The following KCNG3 variants were observed in gnomAD, a reference collection of about 807,000 sequenced individuals.
KCNG3 encodes the protein voltage-gated potassium channel regulatory subunit KCNG3.
KCNG3 carries 15 observed loss-of-function variants against 29.0 expected under a neutral mutation model. The ratio of observed to expected loss-of-function variants is 0.52; its 90% CI spans 0.35 to 0.80. The LOEUF (loss-of-function observed/expected upper bound fraction) is 0.80, where lower values mean the gene tolerates loss of function less well. KCNG3 is among the 30% of genes least tolerant of loss of function. The probability of loss-of-function intolerance (pLI) is 0.01; values close to 1 mark genes in which losing one functional copy is unlikely to be tolerated. For missense variants in KCNG3, 512 were observed against 605.7 expected (o/e 0.85, Z 1.62); for synonymous variants, 322 against 248.9 (o/e 1.29, Z -2.76).
At chr2:42,418,873 C>G in the KCNG3 span, among the ~76,000 whole-genome samples, 1 of 152,166 alleles carries the variant, frequency 6.6e-6, no homozygotes, top group African/African-American at 2.4e-5. Context: ...GAGAATCTTG[C>G]ACATAATATT....
intron 1 of KCNG3, among the ~76,000 whole-genome samples, chr2:42,450,873 T>C (rs1672731266): frequency 6.6e-6 from 1 of 152,196 alleles, no homozygotes; most frequent in Non-Finnish European, 1.5e-5. Flanking sequence ...AAAGGAGCAT[T>C]TGGAAATGCA....
intron 1 of KCNG3, among the ~76,000 whole-genome samples, chr2:42,478,191 T>C (rs918031937): frequency 6.6e-6 from 1 of 152,318 alleles, no homozygotes; most frequent in East Asian, 1.9e-4. Flanking sequence ...AAGGAGCTTT[T>C]GTTTTATGTA....
the KCNG3 span, among the ~76,000 whole-genome samples, chr2:42,395,248 G>A: frequency 1.3e-5 from 2 of 152,184 alleles, no homozygotes; most frequent in East Asian, 3.8e-4. Context: ...TGGAGAAGTG[G>A]TCCATGATTT....
chr2:42,438,834 T>C (rs1013294099), downstream of KCNG3, among the ~76,000 whole-genome samples: 14 of 149,958 alleles, frequency 9.3e-5, no homozygotes, highest in African/African-American at 2.5e-4. Context: ...AAATCATTAG[T>C]CTACTTTCAG....
chr2:42,470,261 G>C (rs556325566), intron 1 of KCNG3: 7 of 389,042 alleles, frequency 1.8e-5, no homozygotes, highest in Non-Finnish European at 3.0e-5. Flanking sequence ...TGTCCTGGTC[G>C]CATAAATTTG....
chr2:42,470,429 C>T (rs1673258562), intron 1 of KCNG3, among the ~76,000 whole-genome samples: 1 of 152,148 alleles, frequency 6.6e-6, no homozygotes, highest in South Asian at 2.1e-4. Context: ...CCAGACACTT[C>T]GAGGTCCGTA....
chr2:42,459,793 G>A (rs1409159973), intron 1 of KCNG3, among the ~76,000 whole-genome samples: 1 of 152,120 alleles, frequency 6.6e-6, no homozygotes, highest in African/African-American at 2.4e-5. Flanking sequence ...TGGCTAACAT[G>A]GTGAAACGCT....
At chr2:42,421,996 TA>T in the KCNG3 span, among the ~76,000 whole-genome samples, 77 of 152,360 alleles carry the variant, frequency 5.1e-4, no homozygotes, top group East Asian at 0.01. Flanking sequence ...AAGCCATTGT[TA>T]ATCTGTTGCA....
At chr2:42,397,580 G>T in the KCNG3 span, among the ~76,000 whole-genome samples, 3 of 152,310 alleles carry the variant, frequency 2.0e-5, no homozygotes, top group South Asian at 2.1e-4. Flanking sequence ...CTGAAATCAT[G>T]TAAGAAAGTA....
chr2:42,468,241 G>T (rs1673193032), intron 1 of KCNG3, among the ~76,000 whole-genome samples: 1 of 152,134 alleles, frequency 6.6e-6, no homozygotes, highest in Non-Finnish European at 1.5e-5. Flanking sequence ...TTTATTTCCA[G>T]ACAGTATCAC....
chr2:42,399,957 A>G, the KCNG3 span, among the ~76,000 whole-genome samples: 1 of 152,290 alleles, frequency 6.6e-6, no homozygotes, highest in Non-Finnish European at 1.5e-5. Context: ...TTCTATGGAC[A>G]ACATGTGAGC....
chr2:42,397,500 A>G, the KCNG3 span, among the ~76,000 whole-genome samples: 21,828 of 152,204 alleles, frequency 0.14, 1,780 homozygotes, highest in South Asian at 0.26. Context: ...TATATATTAT[A>G]GTTTCAACTT....
intron 1 of KCNG3, among the ~76,000 whole-genome samples, chr2:42,473,582 T>C (rs1673346350): frequency 6.6e-6 from 1 of 151,494 alleles, no homozygotes; most frequent in African/African-American, 2.4e-5. Flanking sequence ...ACTCCTGACC[T>C]CAAGTGATCT....
intron 1 of KCNG3, among the ~76,000 whole-genome samples, chr2:42,490,623 T>C (rs887068597): frequency 6.6e-6 from 1 of 152,166 alleles, no homozygotes; most frequent in Non-Finnish European, 1.5e-5. Flanking sequence ...AACAGAAAGT[T>C]ACAATATTTG....
At chr2:42,422,006 C>G in the KCNG3 span, among the ~76,000 whole-genome samples, 2 of 152,044 alleles carry the variant, frequency 1.3e-5, no homozygotes, top group Non-Finnish European at 2.9e-5. Context: ...TAATCTGTTG[C>G]ATTAAGAAAA....
At chr2:42,467,237 A>G (rs1673163227) in intron 1 of KCNG3, among the ~76,000 whole-genome samples, 1 of 152,200 alleles carries the variant, frequency 6.6e-6, no homozygotes, top group Admixed American at 6.5e-5. Flanking sequence ...ACACTTTGAC[A>G]TCTATTCACC....
At chr2:42,479,507 A>G (rs545410536) in intron 1 of KCNG3, among the ~76,000 whole-genome samples, 2 of 151,990 alleles carry the variant, frequency 1.3e-5, no homozygotes, top group South Asian at 2.1e-4. Context: ...TTAGCTGGGC[A>G]TGGTGGTGCA....
Position 42,443,860 on chromosome 2 carries a change from G to C in KCNG3, c.*74C>G. 7.1e-7 allele frequency: 1 copy of C among 1,414,768 alleles called. No homozygotes were observed. Among genetic ancestry groups the C allele is most frequent in the African/African-American group, 1.4e-5 (1 of 70,036 alleles). 87.6% of individuals were successfully genotyped at this position (1,414,768 alleles called of 1,614,324 possible). A position where few individuals can be genotyped will look rare whatever the true frequency, so the allele number is the denominator to read the frequency against. ...ACAATGCCACTGCAGTGCTCACCCAGCAAGAAACACATAAATATGAAGCAG... is the reference window on the plus strand; with the variant it reads ...ACAATGCCACTGCAGTGCTCACCCACCAAGAAACACATAAATATGAAGCAG... On this transcript the variant is annotated 3_prime_UTR_variant, in exon 2 of 2. Transcript: ENST00000306078.
rs539170663 is a variant in KCNG3 at position 42,493,977 on chromosome 2, C to T, written c.-476G>A. The T allele has an allele frequency of 6.5e-6, 1 of 153,448 alleles. No individual in the cohort carries two copies. Among genetic ancestry groups the T allele is most frequent in the South Asian group, 2.1e-4 (1 of 4,858 alleles). 9.5% of individuals were successfully genotyped at this position (153,448 alleles called of 1,614,324 possible). A position where few individuals can be genotyped will look rare whatever the true frequency, so the allele number is the denominator to read the frequency against. ...CCCGCCGCCGTCCAGAGGCGAGAGG[C>T]AAAGTGAGCGGGTTCGGAGGCGGCG... On this transcript the variant is annotated 5_prime_UTR_variant, in exon 1 of 2. Coordinates refer to ENST00000306078, the MANE Select transcript of KCNG3 (RefSeq NM_133329.6).
Sources: allele counts gnomAD v4.1 joint callset (sites outside exome capture counted in the v4.1 genomes callset), GRCh38; gene constraint gnomAD v4.1.1; transcripts MANE v1.5; gene names NCBI Gene and HGNC (gene_info 2026-07-23, HGNC 2026-07-21).